LPP: variants seen among roughly 807,000 people sequenced by gnomAD.
The protein encoded by LPP is LIM domain containing preferred translocation partner in lipoma.
LPP carries 38 observed loss-of-function variants against 60.4 expected under a neutral mutation model. The observed-to-expected ratio is 0.63, with a 90% confidence interval of 0.49 to 0.83. LPP has a LOEUF of 0.83. Among genes scored for constraint, LPP ranks in the 40% least tolerant of loss-of-function variants. The pLI is 0.00. For missense variants in LPP, 902 were observed against 783.6 expected (o/e 1.15, Z -1.80); for synonymous variants, 328 against 290.8 (o/e 1.13, Z -1.30).
At chr3:188,415,728 A>ATTCAT (rs2148973443) in intron 4 of LPP, among the ~76,000 whole-genome samples, 1 of 137,846 alleles carries the variant, frequency 7.3e-6, no homozygotes, top group East Asian at 2.4e-4. Context: ...AAAGCTCTAG[A>ATTCAT]GATAAAGGAC....
intron 1 of LPP, among the ~76,000 whole-genome samples, chr3:188,202,532 T>C (rs2149098981): frequency 6.6e-6 from 1 of 152,314 alleles, no homozygotes; most frequent in Admixed American, 6.5e-5. Flanking sequence ...ATCTTGAGCT[T>C]TTAAAAAATT....
chr3:188,230,338 C>G (rs1269040188), intron 2 of LPP, among the ~76,000 whole-genome samples: 1 of 152,130 alleles, frequency 6.6e-6, no homozygotes, highest in Non-Finnish European at 1.5e-5. Flanking sequence ...TCCACCTTGG[C>G]CCTCCAAAGT....
intron 9 of LPP, among the ~76,000 whole-genome samples, chr3:188,776,342 C>A (rs1737775274): frequency 6.6e-6 from 1 of 152,104 alleles, no homozygotes; most frequent in Admixed American, 6.6e-5. Context: ...AGAACAGTTC[C>A]AATATCTCAA....
chr3:188,643,564 T>G (rs571279126), intron 7 of LPP, among the ~76,000 whole-genome samples: 155 of 152,292 alleles, frequency 1.0e-3, no homozygotes, highest in Non-Finnish European at 1.2e-3. Flanking sequence ...TTCCTTCAAA[T>G]GAAACAAAAT....
intron 7 of LPP, among the ~76,000 whole-genome samples, chr3:188,656,610 C>T (rs930252967): frequency 6.6e-6 from 1 of 152,312 alleles, no homozygotes; most frequent in South Asian, 2.1e-4. Flanking sequence ...CCTTCTTGTA[C>T]TACTGACAGG....
intron 3 of LPP, among the ~76,000 whole-genome samples, chr3:188,396,270 G>A (rs1028788128): frequency 4.6e-5 from 7 of 152,032 alleles, no homozygotes; most frequent in African/African-American, 1.7e-4. Context: ...AACTAAAATT[G>A]CTTTTAAAAT....
At chr3:188,805,812 G>T (rs1560229356) in intron 9 of LPP, among the ~76,000 whole-genome samples, 1 of 151,602 alleles carries the variant, frequency 6.6e-6, no homozygotes, top group Non-Finnish European at 1.5e-5. Flanking sequence ...ATTTTCTAAT[G>T]TATCTAGTAA....
intron 7 of LPP, among the ~76,000 whole-genome samples, chr3:188,706,505 C>CA (rs534916569): frequency 6.1e-4 from 92 of 151,494 alleles, no homozygotes; most frequent in Non-Finnish European, 1.1e-3. Flanking sequence ...TTTGGGAAAC[C>CA]AAAAAAAATG....
chr3:188,654,560 A>G (rs910820495), intron 7 of LPP, among the ~76,000 whole-genome samples: 1 of 152,162 alleles, frequency 6.6e-6, no homozygotes, highest in African/African-American at 2.4e-5. Context: ...GTATGCGTAC[A>G]CACATATACT....
At chr3:188,634,675 C>T (rs538270793) in intron 7 of LPP, among the ~76,000 whole-genome samples, 25 of 152,290 alleles carry the variant, frequency 1.6e-4, no homozygotes, top group East Asian at 1.5e-3. Context: ...ATATATTTTG[C>T]GTGCTCCTTA....
At chr3:188,528,806 G>A (rs1821379373) in intron 6 of LPP, among the ~76,000 whole-genome samples, 1 of 152,160 alleles carries the variant, frequency 6.6e-6, no homozygotes, top group African/African-American at 2.4e-5. Context: ...ACACCAGATT[G>A]AGGGTGTCAG....
intron 5 of LPP, among the ~76,000 whole-genome samples, chr3:188,508,000 A>T (rs940788040): frequency 1.7e-4 from 26 of 152,224 alleles, no homozygotes; most frequent in African/African-American, 6.0e-4. Flanking sequence ...TATGCTAGTA[A>T]ATAAAATGAT....
intron 4 of LPP, among the ~76,000 whole-genome samples, chr3:188,407,791 T>TGG (rs1389618137): frequency 5.9e-5 from 2 of 34,166 alleles, no homozygotes; most frequent in East Asian, 1.5e-3. Context: ...TTTGTTTGTT[T>TGG]TTTTTTTTTT....
At chr3:188,680,536 G>A (rs1472888857) in intron 7 of LPP, among the ~76,000 whole-genome samples, 1 of 152,106 alleles carries the variant, frequency 6.6e-6, no homozygotes, top group Non-Finnish European at 1.5e-5. Flanking sequence ...TGCAATAGTG[G>A]GAGAACATTT....
At chr3:188,742,846 A>G (rs2150195228) in intron 8 of LPP, among the ~76,000 whole-genome samples, 1 of 152,342 alleles carries the variant, frequency 6.6e-6, no homozygotes, top group South Asian at 2.1e-4. Flanking sequence ...GTTTTAATAA[A>G]TAAACAAGAA....
rs996438540 is a variant in LPP, at chr3:188,877,428, G to GA, written c.*2956dup. The GA allele has an allele frequency of 5.4e-6, 1 of 185,688 alleles. No individual in the cohort carries two copies. The highest frequency in any genetic ancestry group is 1.1e-5 in the Non-Finnish European group (1 of 87,580). The allele number at this position is 185,688 out of a possible 1,614,324, so 11.5% of individuals were successfully genotyped here. A position where few individuals can be genotyped will look rare whatever the true frequency, so the allele number is the denominator to read the frequency against. ...GTGTAACAAGAGAGACATGGAAAAG[G>GA]AAAAAAATCCACTATATCATGGGCT... is the stretch of plus-strand genomic sequence containing the variant. On this transcript the variant is annotated 3_prime_UTR_variant, in exon 12 of 12. Coordinates refer to ENST00000617246, the MANE Select transcript of LPP (RefSeq NM_001375462.1).
At chr3:188,632,854 G>A (rs759496667) in intron 7 of LPP, among the ~76,000 whole-genome samples, 16 of 152,070 alleles carry the variant, frequency 1.1e-4, no homozygotes, top group South Asian at 2.1e-4. Context: ...CCCCACGTTC[G>A]TTTTCATTAT....
At chr3:188,244,156 C>G (rs553790502) in intron 2 of LPP, among the ~76,000 whole-genome samples, 1 of 152,306 alleles carries the variant, frequency 6.6e-6, no homozygotes, top group East Asian at 1.9e-4. Context: ...TAGAAGTGAG[C>G]CACTGCGCCC....
intron 4 of LPP, among the ~76,000 whole-genome samples, chr3:188,433,788 AAGC>A (rs1384943340): frequency 3.9e-5 from 6 of 152,004 alleles, no homozygotes; most frequent in Admixed American, 1.3e-4. Flanking sequence ...GGAAGGAAAA[AAGC>A]AGAAAGAAGT....
Sources: gnomAD v4.1 joint callset for allele counts (sites outside exome capture counted in the v4.1 genomes callset) on GRCh38, gnomAD v4.1.1 for gene constraint, MANE v1.5 for transcripts, NCBI Gene and HGNC (gene_info 2026-07-23, HGNC 2026-07-21) for gene names.